STK33: variants seen among roughly 807,000 people sequenced by gnomAD.
The protein encoded by STK33 is serine/threonine kinase 33.
In STK33, 52 loss-of-function variants were observed where a neutral mutation model predicts 58.0. That is an observed-to-expected ratio of 0.90 (90% CI 0.72 to 1.13). The LOEUF (loss-of-function observed/expected upper bound fraction) is 1.13, where lower values mean the gene tolerates loss of function less well. Among genes scored for constraint, STK33 ranks in the 50% most tolerant of loss-of-function variants. The pLI is 0.00. For synonymous variants in STK33, 215 were observed against 200.1 expected (o/e 1.07, Z -0.63); for missense variants, 630 against 604.2 (o/e 1.04, Z -0.45).
intron 6 of STK33, among the ~76,000 whole-genome samples, chr11:8,468,243 G>A (rs913081807): frequency 2.0e-5 from 3 of 152,114 alleles, no homozygotes; most frequent in Non-Finnish European, 4.4e-5. Flanking sequence ...ATGAGATCCA[G>A]TCACTATCAT....
At chr11:8,457,005 A>C (rs892132955) in intron 9 of STK33, among the ~76,000 whole-genome samples, 4 of 152,174 alleles carry the variant, frequency 2.6e-5, no homozygotes, top group African/African-American at 9.7e-5. Flanking sequence ...CTACAAAGAC[A>C]AAAAAATGCC....
intron 1 of STK33, among the ~76,000 whole-genome samples, chr11:8,578,033 A>C (rs1027675498): frequency 6.6e-6 from 1 of 152,130 alleles, no homozygotes; most frequent in African/African-American, 2.4e-5. Context: ...GCTCATATGC[A>C]GACATCTCTC....
intron 1 of STK33, among the ~76,000 whole-genome samples, chr11:8,538,786 T>C (rs1955262322): frequency 6.6e-6 from 1 of 152,178 alleles, no homozygotes; most frequent in South Asian, 2.1e-4. Context: ...GAATGAACGA[T>C]AAACAGGATG....
At chr11:8,532,154 A>T (rs573685459) in intron 1 of STK33, among the ~76,000 whole-genome samples, 235 of 152,376 alleles carry the variant, frequency 1.5e-3, no homozygotes, top group African/African-American at 5.0e-3. Flanking sequence ...TGATTCTGTA[A>T]GTTCGGAGTA....
At chr11:8,389,923 C>A (rs746339293), downstream of STK33, among the ~76,000 whole-genome samples, 1 of 152,128 alleles carries the variant, frequency 6.6e-6, no homozygotes, top group Non-Finnish European at 1.5e-5. Flanking sequence ...TGCCTGTGTA[C>A]GGGCCCTGGG....
intron 1 of STK33, among the ~76,000 whole-genome samples, chr11:8,483,446 T>C (rs1417602132): frequency 6.6e-6 from 1 of 151,854 alleles, no homozygotes; most frequent in Non-Finnish European, 1.5e-5. Flanking sequence ...ATGGATGGGG[T>C]GGAGTGGGAC....
intron 1 of STK33, among the ~76,000 whole-genome samples, chr11:8,573,731 A>G (rs888370154): frequency 6.6e-6 from 1 of 152,220 alleles, no homozygotes; most frequent in African/African-American, 2.4e-5. Flanking sequence ...CATCCATACT[A>G]AGGACTATTA....
At chr11:8,504,982 A>G (rs774732017) in intron 1 of STK33, among the ~76,000 whole-genome samples, 7 of 152,200 alleles carry the variant, frequency 4.6e-5, no homozygotes, top group Non-Finnish European at 1.0e-4. Context: ...GTTCATGCAC[A>G]TCTCTTCCCA....
chr11:8,541,021 C>A (rs1286788231), intron 1 of STK33, among the ~76,000 whole-genome samples: 1 of 149,426 alleles, frequency 6.7e-6, no homozygotes, highest in African/African-American at 2.5e-5. Flanking sequence ...TATCTCATAA[C>A]ATTATGCTGT....
At chr11:8,400,818 C>T (rs556191014) in intron 15 of STK33, among the ~76,000 whole-genome samples, 11 of 152,254 alleles carry the variant, frequency 7.2e-5, no homozygotes, top group South Asian at 4.2e-4. Context: ...CATTCCTATA[C>T]ACCAATAACA....
chr11:8,363,823 T>C, the STK33 span, among the ~76,000 whole-genome samples: 3 of 152,260 alleles, frequency 2.0e-5, no homozygotes, highest in Non-Finnish European at 4.4e-5. Context: ...GTAAAACTAA[T>C]ACTCATTTAG....
At chr11:8,439,871 A>T (rs1032010207) in intron 12 of STK33, among the ~76,000 whole-genome samples, 3 of 138,438 alleles carry the variant, frequency 2.2e-5, no homozygotes, top group South Asian at 2.3e-4. Flanking sequence ...TATTATAATT[A>T]TATATATATA....
chr11:8,357,607 C>T, the STK33 span, among the ~76,000 whole-genome samples: 8 of 152,342 alleles, frequency 5.3e-5, no homozygotes, highest in East Asian at 7.7e-4. Flanking sequence ...GGCTCGGAAC[C>T]GCGGGAGGGG....
At chr11:8,428,989 T>C (rs1379873243) in intron 14 of STK33, among the ~76,000 whole-genome samples, 2 of 151,912 alleles carry the variant, frequency 1.3e-5, no homozygotes, top group African/African-American at 4.8e-5. Context: ...TTTTGTAAAA[T>C]GAGACAAATT....
the STK33 span, among the ~76,000 whole-genome samples, chr11:8,374,845 C>A: frequency 6.6e-6 from 1 of 152,162 alleles, no homozygotes; most frequent in Non-Finnish European, 1.5e-5. Context: ...ACACATATTC[C>A]CCAACCCACC....
the STK33 span, among the ~76,000 whole-genome samples, chr11:8,344,229 A>ACACACACACACACC: frequency 1.0e-3 from 151 of 150,480 alleles, 2 homozygotes; most frequent in East Asian, 0.021. Context: ...ACACACACAC[A>ACACACACACACACC]CCCCAGTTAG....
chr11:8,543,907 ACACT>A (rs1263373182), intron 1 of STK33, among the ~76,000 whole-genome samples: 14 of 152,150 alleles, frequency 9.2e-5, no homozygotes, highest in Admixed American at 4.6e-4. Flanking sequence ...ATAAAAGAAA[ACACT>A]CATTGTGTGA....
rs1952041395 is a variant in STK33 at position 8,508,423 on chromosome 11, C to T, written c.-465-27809G>A. Among the ~76,000 whole-genome samples the T allele has an allele frequency of 2.6e-5, 4 of 152,082 alleles. No homozygotes were observed. The South Asian group carries it at 8.3e-4, about 32-fold the overall frequency. ...AGCTAGAACTACAGGTGCCCACCAC[C>T]ACCACAGCCAGCGAATTTTTTAATT... is the stretch of plus-strand genomic sequence containing the variant. On this transcript the variant is annotated intron_variant, in intron 1 of 15. Coordinates refer to ENST00000687296, the MANE Select transcript of STK33 (RefSeq NM_001352389.2).
chr11:8,580,180 G>A (rs1479525960), intron 1 of STK33, among the ~76,000 whole-genome samples: 2 of 152,106 alleles, frequency 1.3e-5, no homozygotes, highest in South Asian at 2.1e-4. Flanking sequence ...GTTTGCTGCA[G>A]TACTATTCAC....
Sources: gnomAD v4.1 joint callset for allele counts (sites outside exome capture counted in the v4.1 genomes callset) on GRCh38, gnomAD v4.1.1 for gene constraint, MANE v1.5 for transcripts, NCBI Gene and HGNC (gene_info 2026-07-23, HGNC 2026-07-21) for gene names.